Variants in FGD6 observed in about 807,000 individuals in gnomAD.
FGD6 encodes the protein FYVE, RhoGEF and PH domain-containing protein 6.
FGD6 carries 90 observed loss-of-function variants against 149.4 expected under a neutral mutation model. The observed-to-expected ratio is 0.60, with a 90% CI of 0.51 to 0.72. The LOEUF is 0.72. Among genes scored for constraint, FGD6 ranks in the 30% least tolerant of loss-of-function variants. The pLI is 0.00. For missense variants in FGD6, 1,437 were observed against 1,684.8 expected (o/e 0.85, Z 2.57); for synonymous variants, 527 against 584.0 (o/e 0.90, Z 1.41).
At chr12:95,112,254 T>C (rs1038608809) in intron 9 of FGD6, among the ~76,000 whole-genome samples, 3 of 130,732 alleles carry the variant, frequency 2.3e-5, no homozygotes, top group African/African-American at 8.5e-5. Context: ...AAAAAAAAAA[T>C]GTGATCAAAA....
intron 2 of FGD6, among the ~76,000 whole-genome samples, chr12:95,192,315 T>C (rs1157742845): frequency 6.6e-6 from 1 of 152,120 alleles, no homozygotes; most frequent in African/African-American, 2.4e-5. Flanking sequence ...GAATGATGAG[T>C]TGGTGCTGTG....
In FGD6 at chr12:95,081,557, C is replaced by T; in HGVS notation, c.4257-1G>A. On this transcript the variant is annotated splice_acceptor_variant, in intron 20 of 20. Coordinates refer to ENST00000343958, the MANE Select transcript of FGD6 (RefSeq NM_018351.4). LOFTEE classifies it high-confidence loss of function. ...GCCTTCCTGAAATGCTTCTATCCAC[C>T]TATTGATAAGAGAAATCGGTTAGAT... is the stretch of plus-strand genomic sequence containing the variant. 1 of 1,603,086 alleles carries T rather than the reference C, an allele frequency of 6.2e-7. No individual in the cohort carries two copies. Among genetic ancestry groups the T allele is most frequent in the Non-Finnish European group, 8.5e-7 (1 of 1,174,812 alleles).
chr12:95,131,134 G>C (rs946575439), intron 8 of FGD6, among the ~76,000 whole-genome samples: 4 of 143,798 alleles, frequency 2.8e-5, no homozygotes, highest in Non-Finnish European at 6.1e-5. Context: ...TTTTTTGAGA[G>C]GGAGGTTGCT....
At position 95,180,008 on chromosome 12, in the gene FGD6, G is replaced by T. The variant is rs1233761231; in HGVS notation, c.2442-7264C>A. ...CAGGAGAACTGCTTGAACCTGGGAG[G>T]CCAAGGTTGCGGTCAGCTGAGATCC... On this transcript the variant is annotated intron_variant, in intron 2 of 20. Coordinates refer to ENST00000343958, the MANE Select transcript of FGD6 (RefSeq NM_018351.4). 4.0e-5 allele frequency among the ~76,000 whole-genome samples: 6 copies of T among 150,874 alleles called. No homozygotes were observed. In the East Asian group the frequency reaches 1.2e-3, roughly 30 times the overall value.
At chr12:95,102,466 AACAC>A (rs1447878294) in intron 14 of FGD6, among the ~76,000 whole-genome samples, 38 of 137,508 alleles carry the variant, frequency 2.8e-4, no homozygotes, top group African/African-American at 1.0e-3. Flanking sequence ...AAAAAAAAAA[AACAC>A]AACAACAATA....
intron 8 of FGD6, among the ~76,000 whole-genome samples, chr12:95,132,169 A>G (rs1387598584): frequency 6.6e-6 from 1 of 152,256 alleles, no homozygotes; most frequent in African/African-American, 2.4e-5. Context: ...CTTTTGTTTA[A>G]GAGACGGAAT....
chr12:95,183,901 C>T, intron 2 of FGD6, among the ~76,000 whole-genome samples: 1 of 152,112 alleles, frequency 6.6e-6, no homozygotes, highest in East Asian at 1.9e-4. Flanking sequence ...TCGCGAGGTA[C>T]AAAGCAGGTG....
At chr12:95,118,792 G>C (rs1445361844) in intron 8 of FGD6, among the ~76,000 whole-genome samples, 1 of 152,176 alleles carries the variant, frequency 6.6e-6, no homozygotes, top group Non-Finnish European at 1.5e-5. Flanking sequence ...AGTAAGTCTA[G>C]TCAATATGAC....
chr12:95,093,471 G>A (rs1378411041), intron 15 of FGD6, among the ~76,000 whole-genome samples: 2 of 151,916 alleles, frequency 1.3e-5, no homozygotes, highest in Non-Finnish European at 2.9e-5. Context: ...CCTAAGATTG[G>A]GAGTTCAAGA....
At chr12:95,192,382 T>C (rs1240538420) in intron 2 of FGD6, among the ~76,000 whole-genome samples, 1 of 152,206 alleles carries the variant, frequency 6.6e-6, no homozygotes, top group Non-Finnish European at 1.5e-5. Context: ...GTAGTTAAAA[T>C]CAATATAGTA....
chr12:95,126,029 A>G (rs1879329205), intron 8 of FGD6: 2 of 1,316,740 alleles, frequency 1.5e-6, no homozygotes, highest in Non-Finnish European at 1.1e-6. Context: ...CAGCCACACA[A>G]TGGGCCAGGA....
chr12:95,169,920 A>G (rs1196481469), intron 3 of FGD6, among the ~76,000 whole-genome samples: 1 of 152,092 alleles, frequency 6.6e-6, no homozygotes, highest in Non-Finnish European at 1.5e-5. Flanking sequence ...CAGTAGTTTA[A>G]GACCAGCCTG....
At chr12:95,083,065 AAG>A (rs944662468) in intron 20 of FGD6, among the ~76,000 whole-genome samples, 3 of 141,388 alleles carry the variant, frequency 2.1e-5, no homozygotes, top group Non-Finnish European at 4.6e-5. Flanking sequence ...ACACACACAG[AAG>A]AGAGTCCAGA....
At chr12:95,097,203 G>C (rs1878259843) in intron 14 of FGD6, among the ~76,000 whole-genome samples, 1 of 152,176 alleles carries the variant, frequency 6.6e-6, no homozygotes, top group African/African-American at 2.4e-5. Flanking sequence ...AACATGATTA[G>C]CAGAAGAATC....
chr12:95,123,103 T>C (rs1177056183), intron 8 of FGD6, among the ~76,000 whole-genome samples: 1 of 150,612 alleles, frequency 6.6e-6, no homozygotes, highest in Non-Finnish European at 1.5e-5. Context: ...TTTCTGTGAA[T>C]TAGAAAAGGT....
intron 5 of FGD6, among the ~76,000 whole-genome samples, chr12:95,148,692 T>C (rs1295606411): frequency 2.9e-5 from 3 of 103,922 alleles, no homozygotes; most frequent in African/African-American, 3.9e-5. Context: ...ATTATATATA[T>C]TATATATTAT....
chr12:95,115,822 T>C (rs528942982), intron 8 of FGD6, among the ~76,000 whole-genome samples: 55 of 152,310 alleles, frequency 3.6e-4, no homozygotes, highest in Non-Finnish European at 4.4e-4. Context: ...ACGCGCCCAA[T>C]TGCTGAAACT....
chr12:95,184,971 T>G (rs1379391426), intron 2 of FGD6, among the ~76,000 whole-genome samples: 1 of 152,128 alleles, frequency 6.6e-6, no homozygotes, highest in Non-Finnish European at 1.5e-5. Context: ...CCTCCCAGGT[T>G]CAAGCAATTC....
rs780907771 is a variant in FGD6, at chr12:95,210,641, T to C, written c.643A>G (p.Asn215Asp). 4 of 1,614,190 alleles carry C rather than the reference T, an allele frequency of 2.5e-6. No individual in the cohort carries two copies. The South Asian group carries it at 4.4e-5, about 18-fold the overall frequency. ...SPEMNGGCNS[N>D]GQFRIEFADL... ...GCAAATTCAATTCTGAATTGTCCAT[T>C]TGAATTACAGCCACCATTCATTTCT... The change falls in exon 2 of 21, where the codon AAT becomes GAT. Residue 215 changes from asparagine to aspartate, a missense_variant. By Grantham distance (23) the Asn-to-Asp change is conservative. Transcript: ENST00000343958.
Sources: gnomAD v4.1 joint callset for allele counts (sites outside exome capture counted in the v4.1 genomes callset) on GRCh38, gnomAD v4.1.1 for gene constraint, MANE v1.5 for transcripts, NCBI Gene and HGNC (gene_info 2026-07-23, HGNC 2026-07-21) for gene names.